LINGO2: variants seen among roughly 807,000 people sequenced by gnomAD.
LINGO2 encodes the protein leucine rich repeat and Ig domain containing 2, also known as leucine-rich repeat and immunoglobulin-like domain-containing nogo receptor-interacting protein 2.
Under a neutral mutation model 30.6 loss-of-function variants are expected in LINGO2, and 14 were observed. That is an observed-to-expected ratio of 0.46 (90% CI 0.30 to 0.72). The LOEUF is 0.72. Ranked by LOEUF, LINGO2 falls within the 30% of genes least tolerant of loss-of-function variation. The pLI is 0.07. For missense variants in LINGO2, 729 were observed against 751.7 expected (o/e 0.97, Z 0.35); for synonymous variants, 317 against 288.5 (o/e 1.10, Z -1.00).
At chr9:29,015,479 C>G in the LINGO2 span, among the ~76,000 whole-genome samples, 1 of 152,002 alleles carries the variant, frequency 6.6e-6, no homozygotes, top group Non-Finnish European at 1.5e-5. Flanking sequence ...TCAATTCAGC[C>G]ACTTTAGTCC....
At chr9:28,622,808 A>T (rs1433119417) in intron 1 of LINGO2, among the ~76,000 whole-genome samples, 1 of 151,862 alleles carries the variant, frequency 6.6e-6, no homozygotes, top group East Asian at 1.9e-4. Flanking sequence ...TTCCACCACC[A>T]GTATACAAAT....
At chr9:28,372,015 G>A (rs533349452) in intron 3 of LINGO2, among the ~76,000 whole-genome samples, 46 of 152,224 alleles carry the variant, frequency 3.0e-4, no homozygotes, top group African/African-American at 1.0e-3. Context: ...TTAGATGACA[G>A]GACCTTGCAC....
At chr9:27,977,851 T>C (rs1820676557) in intron 5 of LINGO2, among the ~76,000 whole-genome samples, 1 of 151,900 alleles carries the variant, frequency 6.6e-6, no homozygotes, top group African/African-American at 2.4e-5. Context: ...TGCAACTATT[T>C]TGATTTTTAA....
chr9:28,583,383 T>C (rs1186906046), intron 1 of LINGO2, among the ~76,000 whole-genome samples: 1 of 151,940 alleles, frequency 6.6e-6, no homozygotes, highest in Admixed American at 6.6e-5. Flanking sequence ...ATTATAGAGA[T>C]TATAAAAATC....
the LINGO2 span, among the ~76,000 whole-genome samples, chr9:29,196,985 C>T: frequency 6.6e-6 from 1 of 151,946 alleles, no homozygotes; most frequent in Non-Finnish European, 1.5e-5. Context: ...ATAGAAATAC[C>T]TTCTTTTTTA....
At chr9:29,028,179 T>C in the LINGO2 span, among the ~76,000 whole-genome samples, 1 of 152,174 alleles carries the variant, frequency 6.6e-6, no homozygotes, top group African/African-American at 2.4e-5. Context: ...CTCCAGGGTC[T>C]ACCTTCTAGC....
intron 1 of LINGO2, among the ~76,000 whole-genome samples, chr9:28,586,445 C>A (rs976008411): frequency 6.6e-6 from 1 of 151,938 alleles, no homozygotes; most frequent in Non-Finnish European, 1.5e-5. Context: ...GCCTTTACAG[C>A]CTCCCCCATT....
the LINGO2 span, among the ~76,000 whole-genome samples, chr9:29,040,401 TA>T: frequency 2.9e-4 from 44 of 152,160 alleles, no homozygotes; most frequent in African/African-American, 9.6e-4. Flanking sequence ...AAGTTTACAA[TA>T]GCCATTTTCC....
At chr9:28,605,757 A>C (rs1050722435) in intron 1 of LINGO2, among the ~76,000 whole-genome samples, 3 of 151,896 alleles carry the variant, frequency 2.0e-5, no homozygotes, top group Non-Finnish European at 2.9e-5. Context: ...GCCAAATCCA[A>C]CCTAGCACCT....
chr9:28,308,018 T>C (rs1161329994), intron 3 of LINGO2, among the ~76,000 whole-genome samples: 12 of 150,938 alleles, frequency 8.0e-5, no homozygotes, highest in East Asian at 3.9e-4. Flanking sequence ...AGGTAATTTA[T>C]AGATTCAATG....
chr9:28,554,206 A>G (rs1467658782), intron 1 of LINGO2, among the ~76,000 whole-genome samples: 1 of 151,706 alleles, frequency 6.6e-6, no homozygotes, highest in Admixed American at 6.6e-5. Context: ...AGACTGGCAA[A>G]TTGGATCAAG....
chr9:29,043,715 T>G, the LINGO2 span, among the ~76,000 whole-genome samples: 1 of 152,016 alleles, frequency 6.6e-6, no homozygotes, highest in Non-Finnish European at 1.5e-5. Context: ...CTATTTTATA[T>G]TTTTACAGAC....
upstream of LINGO2, among the ~76,000 whole-genome samples, chr9:28,673,667 G>GATCATCATCATCATCATCATCATC (rs139919509): frequency 6.8e-6 from 1 of 147,060 alleles, no homozygotes; most frequent in African/African-American, 2.6e-5. Flanking sequence ...ACTCTGTCTC[G>GATCATCATCATCATCATCATCATC]ATCATCATCA....
chr9:27,975,728 C>T (rs1056898569), intron 5 of LINGO2, among the ~76,000 whole-genome samples: 2 of 152,030 alleles, frequency 1.3e-5, no homozygotes, highest in African/African-American at 4.8e-5. Context: ...ACTGTTATGT[C>T]TTATTTCATA....
intron 2 of LINGO2, among the ~76,000 whole-genome samples, chr9:28,408,134 C>T (rs183198922): frequency 2.0e-5 from 3 of 152,236 alleles, no homozygotes; most frequent in Admixed American, 6.5e-5. Context: ...AAAACCAACA[C>T]TCGTCTAGGT....
chr9:29,128,211 A>C, the LINGO2 span, among the ~76,000 whole-genome samples: 1 of 152,170 alleles, frequency 6.6e-6, no homozygotes, highest in South Asian at 2.1e-4. Context: ...AAGATTAGAC[A>C]CCAAACGGGG....
chr9:28,083,752 C>T (rs978754633), intron 4 of LINGO2, among the ~76,000 whole-genome samples: 2 of 152,058 alleles, frequency 1.3e-5, no homozygotes, highest in African/African-American at 2.4e-5. Flanking sequence ...GAATTTATAA[C>T]CTTCAGAAGG....
chr9:29,008,604 T>C, the LINGO2 span, among the ~76,000 whole-genome samples: 1 of 152,184 alleles, frequency 6.6e-6, no homozygotes, highest in Non-Finnish European at 1.5e-5. Flanking sequence ...TCCTGACTTT[T>C]TAATGATCAT....
intron 1 of LINGO2, among the ~76,000 whole-genome samples, chr9:28,603,543 T>C (rs9942938): frequency 0.43 from 65,978 of 151,834 alleles, 15,100 homozygotes; most frequent in African/African-American, 0.57. Flanking sequence ...AGGAAATATA[T>C]ATTAGCATGT....
Sources: allele counts gnomAD v4.1 joint callset (sites outside exome capture counted in the v4.1 genomes callset), GRCh38; gene constraint gnomAD v4.1.1; transcripts MANE v1.5; gene names NCBI Gene and HGNC (gene_info 2026-07-23, HGNC 2026-07-21).